MRTFA: variants seen among roughly 807,000 people sequenced by gnomAD.
The protein encoded by MRTFA is myocardin related transcription factor A.
A neutral mutation model predicts 83.5 loss-of-function variants in MRTFA; 20 were observed. The observed-to-expected ratio is 0.24, with a 90% CI of 0.17 to 0.35. The LOEUF is 0.35. Ranked by LOEUF, MRTFA falls within the 10% of genes least tolerant of loss-of-function variation. The pLI is 1.00. For synonymous variants in MRTFA, 659 were observed against 541.2 expected, an observed-to-expected ratio of 1.22 and a Z score of -3.02; for missense variants, 1,200 against 1,224.7, an observed-to-expected ratio of 0.98 and a Z score of 0.30.
At chr22:40,420,737 G>C in intron 10 of MRTFA, 110 bp downstream of exon 10, 14 of 1,555,578 alleles carry the variant, frequency 9.0e-6, no homozygotes, top group Non-Finnish European at 1.2e-5. Context: ...GTAGCATCCA[G>C]ACCAGCGGGT....
intron 14 of MRTFA, among the ~76,000 whole-genome samples, chr22:40,413,803 T>C (rs1211704212): frequency 3.3e-5 from 5 of 152,160 alleles, no homozygotes; most frequent in African/African-American, 9.7e-5. Context: ...CATTCTCCAA[T>C]AGAAGATACA....
At chr22:40,472,291 T>A (rs1029201023) in intron 3 of MRTFA, among the ~76,000 whole-genome samples, 1 of 152,222 alleles carries the variant, frequency 6.6e-6, no homozygotes, top group Non-Finnish European at 1.5e-5. Context: ...TAATTTGGCC[T>A]AATTTAAGCT....
chr22:40,578,108 C>G (rs1282406996), intron 2 of MRTFA, among the ~76,000 whole-genome samples: 1 of 152,112 alleles, frequency 6.6e-6, no homozygotes, highest in Non-Finnish European at 1.5e-5. Flanking sequence ...CACGTGCCAC[C>G]ATGCCTGGCT....
At chr22:40,424,068 C>T in intron 8 of MRTFA, 138 bp downstream of exon 8, 2 of 978,196 alleles carry the variant, frequency 2.0e-6, no homozygotes, top group Non-Finnish European at 2.9e-6. Context: ...AAGCAGCCAG[C>T]ACCTAAGCAA....
intron 3 of MRTFA, among the ~76,000 whole-genome samples, chr22:40,502,943 A>T (rs1461492017): frequency 6.6e-6 from 1 of 152,114 alleles, no homozygotes. Flanking sequence ...TCCTAGTGTC[A>T]CAGAGGATAC....
At chr22:40,503,622 G>A (rs1226025373) in intron 3 of MRTFA, among the ~76,000 whole-genome samples, 2 of 152,216 alleles carry the variant, frequency 1.3e-5, no homozygotes, top group African/African-American at 4.8e-5. Context: ...TGCAAAGAAG[G>A]CATCAGTGTT....
At chr22:40,466,373 G>A (rs1602290520) in intron 3 of MRTFA, among the ~76,000 whole-genome samples, 3 of 152,142 alleles carry the variant, frequency 2.0e-5, no homozygotes, top group African/African-American at 7.2e-5. Flanking sequence ...TACAGATGAG[G>A]AAACTAAGAA....
chr22:40,452,455 T>C (rs1006457554), intron 4 of MRTFA, among the ~76,000 whole-genome samples: 5 of 152,128 alleles, frequency 3.3e-5, no homozygotes, highest in African/African-American at 4.8e-5. Flanking sequence ...GATTCTTCAA[T>C]AACCAATTAT....
At chr22:40,427,122 C>T (rs1215810236) in intron 7 of MRTFA, among the ~76,000 whole-genome samples, 1 of 152,248 alleles carries the variant, frequency 6.6e-6, no homozygotes, top group Non-Finnish European at 1.5e-5. Context: ...GCCTGGCACA[C>T]TGCTGAGTCT....
chr22:40,518,589 C>T (rs1330376092), intron 3 of MRTFA, among the ~76,000 whole-genome samples: 3 of 151,740 alleles, frequency 2.0e-5, no homozygotes, highest in African/African-American at 2.4e-5. Context: ...GTCAGAAGAT[C>T]GAGATCATCC....
rs1467101564 is a variant in MRTFA, at chr22:40,509,464, C to T, written c.241+42642G>A. 2.0e-5 allele frequency among the ~76,000 whole-genome samples: 3 copies of T among 152,202 alleles called. No individual in the cohort carries two copies. The South Asian group carries it at 6.2e-4, about 32-fold the overall frequency. On this transcript the variant is annotated intron_variant, in intron 3 of 14. Transcript: ENST00000355630. ...ATAAAAAGCCAAATTCTCCCCATAG[C>T]CGAAAGAGGTTTGCCTCAGCCTAAG...
intron 3 of MRTFA, among the ~76,000 whole-genome samples, chr22:40,547,703 A>G (rs941124781): frequency 6.6e-6 from 1 of 151,934 alleles, no homozygotes; most frequent in South Asian, 2.1e-4. Flanking sequence ...AATAATTTAA[A>G]AATCAGTCTG....
At chr22:40,526,092 T>C (rs1209297466) in intron 3 of MRTFA, 1 of 152,104 alleles carries the variant, frequency 6.6e-6, no homozygotes, top group Non-Finnish European at 1.5e-5. Flanking sequence ...CATAGCTCAC[T>C]GCCACCTCAA....
intron 4 of MRTFA, among the ~76,000 whole-genome samples, chr22:40,456,231 A>T (rs1569275020): frequency 6.6e-6 from 1 of 152,096 alleles, no homozygotes; most frequent in Non-Finnish European, 1.5e-5. Context: ...AAAAATGAAA[A>T]ATTACTTATA....
intron 7 of MRTFA, among the ~76,000 whole-genome samples, chr22:40,425,230 A>C (rs987164310): frequency 6.6e-6 from 1 of 152,242 alleles, no homozygotes; most frequent in African/African-American, 2.4e-5. Flanking sequence ...TGGGAAGGAA[A>C]GATGGGAACA....
intron 3 of MRTFA, among the ~76,000 whole-genome samples, chr22:40,540,376 T>C (rs1462086985): frequency 6.6e-6 from 1 of 152,184 alleles, no homozygotes; most frequent in African/African-American, 2.4e-5. Flanking sequence ...CCATAAAGCC[T>C]TCTCTGATCC....
intron 6 of MRTFA, 113 bp from the exon 7 acceptor site, chr22:40,429,880 C>T (rs971855042): frequency 6.9e-5 from 77 of 1,114,462 alleles, no homozygotes; most frequent in Middle Eastern, 3.0e-4. Context: ...ACTGTCAGAA[C>T]GGTAAGCATA....
At chr22:40,531,679 G>A (rs889624564) in intron 3 of MRTFA, among the ~76,000 whole-genome samples, 2 of 152,022 alleles carry the variant, frequency 1.3e-5, no homozygotes, top group Admixed American at 6.6e-5. Flanking sequence ...TACTGATAAA[G>A]CCCAAAAGTC....
chr22:40,586,775 CT>C (rs1379177153), intron 2 of MRTFA: 16 of 328,192 alleles, frequency 4.9e-5, no homozygotes, highest in East Asian at 2.0e-4. Context: ...AGCTGCTGCC[CT>C]TTTTCCCACC....
Sources: allele counts gnomAD v4.1 joint callset (sites outside exome capture counted in the v4.1 genomes callset), GRCh38; gene constraint gnomAD v4.1.1; transcripts MANE v1.5; gene names NCBI Gene and HGNC (gene_info 2026-07-23, HGNC 2026-07-21).